SWAP70: variants seen among roughly 807,000 people sequenced by gnomAD.
SWAP70 encodes switching B cell complex subunit SWAP70, also known as switch-associated protein 70.
In SWAP70, 34 loss-of-function variants were observed where a neutral mutation model predicts 80.2. The observed-to-expected ratio is 0.42, with a 90% CI of 0.32 to 0.56. The LOEUF is 0.56. Ranked by LOEUF, SWAP70 falls within the 20% of genes least tolerant of loss-of-function variation. The pLI is 0.09. For synonymous variants in SWAP70, 239 were observed against 238.5 expected, an observed-to-expected ratio of 1.00 and a Z score of -0.02; for missense variants, 578 against 690.7, an observed-to-expected ratio of 0.84 and a Z score of 1.83.
rs1333509471 is a variant in SWAP70 at position 9,728,054 on chromosome 11, G to T, written c.644G>T (p.Gly215Val). Reference sequence around the variant, plus strand: ...TATATCACATTTAATCTTTCACAGGGTTACATGATGAAAAAGGGCCACAGA... The same window carrying T: ...TATATCACATTTAATCTTTCACAGGTTTACATGATGAAAAAGGGCCACAGA... ...NELILDVLKQGYMMKKGHRRK... is the reference protein window; with the variant it reads ...NELILDVLKQVYMMKKGHRRK... The change falls in exon 5 of 12, where the codon GGT (glycine) becomes GTT (valine). Residue 215 changes from glycine to valine, a missense_variant and splice_region_variant. Transcript: ENST00000318950. The T allele has an allele frequency of 6.2e-7, 1 of 1,602,386 alleles. No homozygotes were observed. The highest frequency in any genetic ancestry group is 8.5e-7 in the Non-Finnish European group (1 of 1,175,602).
Position 9,738,303 on chromosome 11 carries a change from C to G in SWAP70, c.1171C>G (p.Leu391Val), listed in dbSNP as rs774107184. 1 of 1,601,566 alleles carries G rather than the reference C, an allele frequency of 6.2e-7. No homozygotes were observed. The highest frequency in any genetic ancestry group is 1.1e-5 in the South Asian group (1 of 89,142). ...VELQARFSTELEREKLIRQQM... is the reference protein window; with the variant it reads ...VELQARFSTEVEREKLIRQQM... ...ACTTCAGGCCAGGTTCAGCACAGAGCTGGAAAGAGAGAAGCTTGTGAGTAT... is the reference window on the plus strand; with the variant it reads ...ACTTCAGGCCAGGTTCAGCACAGAGGTGGAAAGAGAGAAGCTTGTGAGTAT... The change falls in exon 8 of 12, where the codon CTG becomes GTG. Residue 391 changes from leucine (L) to valine (V), a missense_variant. Transcript: ENST00000318950.
chr11:9,749,447 C>T (rs1379993563), intron 11 of SWAP70, among the ~76,000 whole-genome samples: 3 of 152,234 alleles, frequency 2.0e-5, no homozygotes, highest in East Asian at 1.9e-4. Flanking sequence ...GGGGTTTCAC[C>T]GTGTTAACCA....
At chr11:9,678,503 C>A (rs1850527989) in intron 1 of SWAP70, among the ~76,000 whole-genome samples, 4 of 127,168 alleles carry the variant, frequency 3.1e-5, no homozygotes, top group Non-Finnish European at 3.3e-5. Flanking sequence ...TTGGGAAATA[C>A]ATGTACTTTT....
At chr11:9,683,378 T>A (rs1850592153) in intron 1 of SWAP70, among the ~76,000 whole-genome samples, 2 of 151,604 alleles carry the variant, frequency 1.3e-5, no homozygotes, top group Non-Finnish European at 2.9e-5. Context: ...ATCGAGCTAC[T>A]GCACTCCAGC....
At chr11:9,665,075 T>A (rs1053825513) in intron 1 of SWAP70, among the ~76,000 whole-genome samples, 2 of 152,124 alleles carry the variant, frequency 1.3e-5, no homozygotes, top group Admixed American at 6.5e-5. Context: ...AAATTGGCAT[T>A]AAGCCAGCAG....
chr11:9,701,938 G>C (rs1358615622), intron 2 of SWAP70, among the ~76,000 whole-genome samples: 1 of 152,034 alleles, frequency 6.6e-6, no homozygotes, highest in Non-Finnish European at 1.5e-5. Context: ...CTTGGTTTGG[G>C]CTATATGATT....
intron 3 of SWAP70, 115 bp downstream of exon 3, chr11:9,713,754 T>C: frequency 7.9e-7 from 1 of 1,266,152 alleles, no homozygotes; most frequent in Non-Finnish European, 1.1e-6. Context: ...GGCTAGTGTT[T>C]TTGGATCAGA....
At chr11:9,674,156 C>T (rs1236607548) in intron 1 of SWAP70, among the ~76,000 whole-genome samples, 1 of 152,144 alleles carries the variant, frequency 6.6e-6, no homozygotes, top group East Asian at 1.9e-4. Flanking sequence ...CCACCTCGGC[C>T]TCCCAAAGTG....
Position 9,679,260 on chromosome 11 carries a change from T to C in SWAP70, c.100-14886T>C, listed in dbSNP as rs548552409. Among the ~76,000 whole-genome samples the C allele has an allele frequency of 1.1e-3, 175 of 152,352 alleles. 3 individuals are homozygous for C. Among genetic ancestry groups the C allele is most frequent in the African/African-American group, 3.8e-3 (158 of 41,574 alleles). On this transcript the variant is annotated intron_variant, in intron 1 of 11. Coordinates refer to ENST00000318950, the MANE Select transcript of SWAP70 (RefSeq NM_015055.4). The stretch of plus-strand genomic sequence containing the variant: ...GATTTGAAGGAGGAGAATGGTGTTA[T>C]GTGGGCATGGTGTATCAGCCAGAAG...
In SWAP70 at chr11:9,748,020, T is replaced by G. The variant is rs1851534481; in HGVS notation, c.1518T>G (p.Leu506=). ...AGGCCATGGAGCAGCTGGAGCAGCT[T>G]GAGTTAGAACGGAAGCAAGCACTTG... ...LQEAMEQLEQ[L]ELERKQALEQ... is the part of the protein sequence containing the mutation. The change falls in exon 10 of 12, where the codon CTT becomes CTG. Residue 506 remains leucine, a synonymous_variant. Transcript: ENST00000318950. 2 of 1,614,108 alleles carry G rather than the reference T, an allele frequency of 1.2e-6. No homozygotes were observed. Among genetic ancestry groups the G allele is most frequent in the Non-Finnish European group, 1.7e-6 (2 of 1,179,986 alleles).
chr11:9,719,842 A>G (rs1486293034), intron 3 of SWAP70, among the ~76,000 whole-genome samples: 1 of 152,238 alleles, frequency 6.6e-6, no homozygotes, highest in Non-Finnish European at 1.5e-5. Flanking sequence ...GCAGTTAAAA[A>G]TTGAACCTGA....
Position 9,738,197 on chromosome 11 carries a change from G to A in SWAP70, c.1081-16G>A, listed in dbSNP as rs776122409. The A allele has an allele frequency of 1.3e-6, 2 of 1,594,034 alleles. No homozygotes were observed. Among genetic ancestry groups the A allele is most frequent in the South Asian group, 2.3e-5 (2 of 88,146 alleles). On this transcript the variant is annotated splice_polypyrimidine_tract_variant and intron_variant, in intron 7 of 11. Coordinates refer to ENST00000318950, the MANE Select transcript of SWAP70 (RefSeq NM_015055.4). ...CTAACACCTGCTTTTCTGTGGATGG[G>A]TTTTTGATTGGCTAGAAACTGGAGG... is the stretch of plus-strand genomic sequence containing the variant.
chr11:9,728,664 A>G (rs528702893), intron 5 of SWAP70, among the ~76,000 whole-genome samples: 1 of 152,368 alleles, frequency 6.6e-6, no homozygotes, highest in South Asian at 2.1e-4. Context: ...CTAATTCTTT[A>G]AAGAAGTGAA....
chr11:9,710,932 C>CT (rs963054706), intron 2 of SWAP70, among the ~76,000 whole-genome samples: 2 of 151,856 alleles, frequency 1.3e-5, no homozygotes, highest in Non-Finnish European at 2.9e-5. Context: ...AATCTTTATG[C>CT]TTTGGCCTCC....
intron 2 of SWAP70, among the ~76,000 whole-genome samples, chr11:9,710,066 C>T (rs900157247): frequency 6.6e-5 from 10 of 150,694 alleles, no homozygotes; most frequent in South Asian, 4.2e-4. Context: ...GAGGAAGAGG[C>T]GGAAGTTGTT....
At chr11:9,678,981 CCTT>C (rs1438288404) in intron 1 of SWAP70, among the ~76,000 whole-genome samples, 1 of 152,128 alleles carries the variant, frequency 6.6e-6, no homozygotes, top group African/African-American at 2.4e-5. Context: ...TGCTTCATTT[CCTT>C]CTTCTCATCC....
chr11:9,712,213 AGTATTATGTT>A (rs1851007499), intron 2 of SWAP70, among the ~76,000 whole-genome samples: 2 of 152,204 alleles, frequency 1.3e-5, no homozygotes, highest in African/African-American at 4.8e-5. Flanking sequence ...AACATAGGCC[AGTATTATGTT>A]GAGTATCTTT....
intron 2 of SWAP70, among the ~76,000 whole-genome samples, chr11:9,700,344 A>G (rs1467641630): frequency 6.6e-6 from 1 of 152,204 alleles, no homozygotes; most frequent in African/African-American, 2.4e-5. Flanking sequence ...AAAGCAGCCA[A>G]GGTTTCCATG....
chr11:9,684,843 A>G (rs1850611056), intron 1 of SWAP70, among the ~76,000 whole-genome samples: 2 of 152,246 alleles, frequency 1.3e-5, no homozygotes, highest in Non-Finnish European at 2.9e-5. Flanking sequence ...CTAATTTAGC[A>G]AACATTTGTT....
Sources: allele counts gnomAD v4.1 joint callset (sites outside exome capture counted in the v4.1 genomes callset), GRCh38; gene constraint gnomAD v4.1.1; transcripts MANE v1.5; gene names NCBI Gene and HGNC (gene_info 2026-07-23, HGNC 2026-07-21).